TCF4: variants seen among roughly 807,000 people sequenced by gnomAD.
TCF4 encodes SL3-3 enhancer factor 2.
A neutral mutation model predicts 82.1 loss-of-function variants in TCF4; 3 were observed. The observed-to-expected ratio is 0.04, with a 90% confidence interval of 0.02 to 0.09. The LOEUF (loss-of-function observed/expected upper bound fraction) is 0.09, where lower values mean the gene tolerates loss of function less well. TCF4 is among the 10% of genes least tolerant of loss of function. TCF4 has a pLI of 1.00. For synonymous variants in TCF4, 276 were observed against 309.6 expected, an observed-to-expected ratio of 0.89 and a Z score of 1.14; for missense variants, 518 against 852.7, an observed-to-expected ratio of 0.61 and a Z score of 4.89.
At chr18:55,619,741 T>C (rs745581868) in intron 2 of TCF4, among the ~76,000 whole-genome samples, 2 of 152,218 alleles carry the variant, frequency 1.3e-5, no homozygotes, top group Non-Finnish European at 2.9e-5. Flanking sequence ...TTCTTCCTTT[T>C]TGACATACCC....
At chr18:55,487,263 A>G (rs2096527445) in intron 3 of TCF4, among the ~76,000 whole-genome samples, 1 of 152,234 alleles carries the variant, frequency 6.6e-6, no homozygotes, top group South Asian at 2.1e-4. Flanking sequence ...GAATGAATAA[A>G]TAAATGCATA....
intron 14 of TCF4, among the ~76,000 whole-genome samples, chr18:55,255,392 T>TG (rs1388553820): frequency 6.6e-6 from 1 of 152,158 alleles, no homozygotes; most frequent in Non-Finnish European, 1.5e-5. Context: ...AACTGTTCAC[T>TG]GGGGGCATCT....
chr18:55,489,660 T>C (rs1372983473), intron 3 of TCF4, among the ~76,000 whole-genome samples: 1 of 152,104 alleles, frequency 6.6e-6, no homozygotes, highest in Non-Finnish European at 1.5e-5. Context: ...GATTTGCCAT[T>C]TTCCACAAGG....
chr18:55,343,016 T>C (rs1421449557), intron 8 of TCF4, among the ~76,000 whole-genome samples: 2 of 152,158 alleles, frequency 1.3e-5, no homozygotes, highest in African/African-American at 4.8e-5. Flanking sequence ...AGGAGGCTCC[T>C]GTAGACACTT....
At chr18:55,474,709 TATA>T (rs1313639097) in intron 3 of TCF4, among the ~76,000 whole-genome samples, 1 of 152,182 alleles carries the variant, frequency 6.6e-6, no homozygotes, top group Non-Finnish European at 1.5e-5. Flanking sequence ...AAGGAAAATG[TATA>T]ATTTTTTCAT....
chr18:55,232,129 T>C, intron 17 of TCF4: 1 of 209,216 alleles, frequency 4.8e-6, no homozygotes, highest in Non-Finnish European at 9.7e-6. Flanking sequence ...AGAAAAGAGT[T>C]ATAGTTGGCA....
At chr18:55,281,763 T>C (rs1334141673) in intron 8 of TCF4, among the ~76,000 whole-genome samples, 1 of 151,754 alleles carries the variant, frequency 6.6e-6, no homozygotes, top group Admixed American at 6.6e-5. Context: ...TTTTGGAAGA[T>C]AAGGAAAAAT....
At chr18:55,333,304 A>AT (rs2077959285) in intron 8 of TCF4, among the ~76,000 whole-genome samples, 1 of 152,148 alleles carries the variant, frequency 6.6e-6, no homozygotes, top group Non-Finnish European at 1.5e-5. Context: ...AAAGATGCAA[A>AT]TATCATTTCT....
intron 5 of TCF4, among the ~76,000 whole-genome samples, chr18:55,421,241 CAAAAT>C (rs1389556363): frequency 1.3e-5 from 2 of 152,002 alleles, no homozygotes; most frequent in Non-Finnish European, 2.9e-5. Flanking sequence ...CAAACTGTGA[CAAAAT>C]AAAAGTTGGA....
intron 5 of TCF4, among the ~76,000 whole-genome samples, chr18:55,420,312 A>G (rs542402759): frequency 6.6e-6 from 1 of 152,340 alleles, no homozygotes; most frequent in East Asian, 1.9e-4. Flanking sequence ...AGAAATAAAA[A>G]CAAGAAGGTG....
At chr18:55,477,484 G>T (rs2096316931) in intron 3 of TCF4, among the ~76,000 whole-genome samples, 1 of 152,188 alleles carries the variant, frequency 6.6e-6, no homozygotes, top group Non-Finnish European at 1.5e-5. Context: ...TTCACAGCTA[G>T]CAACGTACAT....
intron 8 of TCF4, among the ~76,000 whole-genome samples, chr18:55,299,451 C>CTTT (rs113065305): frequency 6.0e-5 from 7 of 116,806 alleles, no homozygotes; most frequent in African/African-American, 1.9e-4. Flanking sequence ...CATGTTTCTG[C>CTTT]TTTTTTTTTT....
rs577460034 is a variant in TCF4, at chr18:55,269,397, C to T, written c.922+434G>A. The T allele has an allele frequency of 3.2e-5, 8 of 250,848 alleles. 1 individual carries two copies. In the South Asian group the frequency reaches 3.3e-4, roughly 10 times the overall value. 15.5% of individuals were successfully genotyped at this position (250,848 alleles called of 1,614,324 possible). On this transcript the variant is annotated intron_variant, in intron 11 of 19. Coordinates refer to ENST00000354452, the MANE Select transcript of TCF4 (RefSeq NM_001083962.2). ...CAGTCACCTGAGAATTTCACATTAA[C>T]CAGTCCTCGGAAGACAGTGGCACAT...
chr18:55,589,161 T>C, upstream of TCF4: 1 of 576,296 alleles, frequency 1.7e-6, no homozygotes, highest in Non-Finnish European at 2.3e-6. Context: ...ATACACAAAA[T>C]GCATGCACAC....
intron 15 of TCF4, among the ~76,000 whole-genome samples, chr18:55,240,178 T>C (rs912673756): frequency 6.6e-6 from 1 of 152,238 alleles, no homozygotes; most frequent in African/African-American, 2.4e-5. Context: ...ATTAATGGCA[T>C]CTGGTTTCCA....
chr18:55,589,402 A>G, upstream of TCF4: 2 of 1,055,498 alleles, frequency 1.9e-6, no homozygotes, highest in Non-Finnish European at 1.1e-6. Context: ...GTATCCCCAA[A>G]AAGTATTTTA....
At chr18:55,605,509 A>C (rs2147954394) in intron 2 of TCF4, among the ~76,000 whole-genome samples, 1 of 152,272 alleles carries the variant, frequency 6.6e-6, no homozygotes, top group African/African-American at 2.4e-5. Flanking sequence ...AAACTGAGTA[A>C]ACTCCTGAGA....
intron 5 of TCF4, among the ~76,000 whole-genome samples, chr18:55,425,751 C>T (rs936843125): frequency 6.6e-6 from 1 of 152,168 alleles, no homozygotes; most frequent in Non-Finnish European, 1.5e-5. Context: ...ATCAAAGGAA[C>T]TAAAACACGA....
rs573013547 is a variant in TCF4, at chr18:55,505,531, G to A, written c.146-41394C>T. Among the ~76,000 whole-genome samples, 26 of 152,150 alleles carry A rather than the reference G, an allele frequency of 1.7e-4. No individual in the cohort carries two copies. The South Asian group carries it at 4.6e-3, about 27-fold the overall frequency. On this transcript the variant is annotated intron_variant, in intron 3 of 19. Transcript: ENST00000354452. ...AGAAAAAATAGCAACCGGGCCGGGC[G>A]CGGTGGCTCACGCCTGTAATCCCAG... is the stretch of plus-strand genomic sequence containing the variant.
Sources: gnomAD v4.1 joint callset for allele counts (sites outside exome capture counted in the v4.1 genomes callset) on GRCh38, gnomAD v4.1.1 for gene constraint, MANE v1.5 for transcripts, NCBI Gene and HGNC (gene_info 2026-07-23, HGNC 2026-07-21) for gene names.